ANKRD30BL: variants seen among roughly 807,000 people sequenced by gnomAD.
The protein encoded by ANKRD30BL is putative ankyrin repeat domain-containing protein 30B-like.
ANKRD30BL carries 20 observed loss-of-function variants against 18.4 expected under a neutral mutation model. The observed-to-expected ratio is 1.09, with a 90% confidence interval of 0.77 to 1.58. ANKRD30BL has a LOEUF of 1.58. Ranked by LOEUF, ANKRD30BL falls within the 40% of genes most tolerant of loss-of-function variation. The pLI is 0.00. For missense variants in ANKRD30BL, 224 were observed against 268.6 expected (o/e 0.83, Z 1.16); for synonymous variants, 72 against 100.9 (o/e 0.71, Z 1.72).
intron 1 of ANKRD30BL, among the ~76,000 whole-genome samples, chr2:132,226,753 C>A (rs1164214947): frequency 6.6e-6 from 1 of 151,940 alleles, no homozygotes; most frequent in Non-Finnish European, 1.5e-5. Context: ...GTGCGTTCAT[C>A]TCACAGAGTT....
intron 1 of ANKRD30BL, among the ~76,000 whole-genome samples, chr2:132,249,525 C>G (rs142716638): frequency 1.3e-5 from 2 of 152,036 alleles, no homozygotes. Context: ...TTTGCAGATT[C>G]TACAAGAAGA....
chr2:132,239,963 G>T (rs564912410), intron 1 of ANKRD30BL, among the ~76,000 whole-genome samples: 10 of 151,496 alleles, frequency 6.6e-5, no homozygotes, highest in African/African-American at 1.9e-4. Context: ...TGAGGATTTC[G>T]TTGGAAACGG....
chr2:132,170,336 A>G (rs1422623725), intron 1 of ANKRD30BL, among the ~76,000 whole-genome samples: 1 of 152,194 alleles, frequency 6.6e-6, no homozygotes, highest in Non-Finnish European at 1.5e-5. Flanking sequence ...AAAGGGAAAC[A>G]GAGACTGTCA....
upstream of ANKRD30BL, among the ~76,000 whole-genome samples, chr2:132,163,038 G>C (rs1174706561): frequency 6.6e-6 from 1 of 152,226 alleles, no homozygotes. Flanking sequence ...GTATGGCAGT[G>C]GCGCTGGGTC....
chr2:132,168,062 T>C (rs1184448824), intron 1 of ANKRD30BL, among the ~76,000 whole-genome samples: 1 of 152,214 alleles, frequency 6.6e-6, no homozygotes, highest in East Asian at 1.9e-4. Flanking sequence ...TTCTCTCCAC[T>C]TGAAGAACTT....
chr2:132,221,584 G>A (rs1489976995), intron 1 of ANKRD30BL, among the ~76,000 whole-genome samples: 1 of 135,808 alleles, frequency 7.4e-6, no homozygotes, highest in African/African-American at 3.1e-5. Flanking sequence ...GCCCAGTCTG[G>A]GAGGGAGGTG....
intron 1 of ANKRD30BL, among the ~76,000 whole-genome samples, chr2:132,226,457 C>T (rs201677094): frequency 6.7e-6 from 1 of 149,614 alleles, no homozygotes; most frequent in Non-Finnish European, 1.5e-5. Context: ...TACAGACACT[C>T]TTTTTGTAGA....
intron 1 of ANKRD30BL, among the ~76,000 whole-genome samples, chr2:132,178,230 A>G (rs1211165866): frequency 2.0e-5 from 3 of 152,240 alleles, no homozygotes; most frequent in Non-Finnish European, 4.4e-5. Flanking sequence ...AAAAGAGACA[A>G]GTCATTAACT....
chr2:132,159,726 T>G (rs1172668388), intron 1 of ANKRD30BL, among the ~76,000 whole-genome samples: 1 of 152,174 alleles, frequency 6.6e-6, no homozygotes, highest in Non-Finnish European at 1.5e-5. Flanking sequence ...TGCCTTTTAT[T>G]TTTTCTCATT....
chr2:132,201,743 A>G (rs1381251694), intron 1 of ANKRD30BL, among the ~76,000 whole-genome samples: 3 of 152,228 alleles, frequency 2.0e-5, no homozygotes, highest in Non-Finnish European at 2.9e-5. Flanking sequence ...GTGATTCCTC[A>G]GAGATCTAGA....
intron 1 of ANKRD30BL, among the ~76,000 whole-genome samples, chr2:132,211,870 T>C: frequency 6.6e-6 from 1 of 152,048 alleles, no homozygotes. Flanking sequence ...AGTGGACATT[T>C]AGTGCGCTTT....
upstream of ANKRD30BL, among the ~76,000 whole-genome samples, chr2:132,165,574 T>G (rs1471798820): frequency 3.5e-5 from 4 of 113,926 alleles, no homozygotes; most frequent in Non-Finnish European, 1.9e-5. Flanking sequence ...AAAAAAAAAA[T>G]TAGCCGGACA....
intron 1 of ANKRD30BL, among the ~76,000 whole-genome samples, chr2:132,250,709 C>T (rs372812843): frequency 2.0e-5 from 3 of 152,174 alleles, no homozygotes; most frequent in Non-Finnish European, 2.9e-5. Context: ...TGTTCTTTTG[C>T]TCCTCAGATC....
chr2:132,209,060 C>T (rs1239070668), intron 1 of ANKRD30BL, among the ~76,000 whole-genome samples: 1 of 151,152 alleles, frequency 6.6e-6, no homozygotes, highest in Non-Finnish European at 1.5e-5. Flanking sequence ...GTGATCTGTG[C>T]ATTAATCTCA....
In ANKRD30BL at chr2:132,217,090, T is replaced by C. The variant is rs538119940; in HGVS notation, n.441+40439A>G. Among the ~76,000 whole-genome samples the C allele has an allele frequency of 3.9e-5, 6 of 152,024 alleles. No individual in the cohort carries two copies. The South Asian group carries it at 1.2e-3, about 32-fold the overall frequency. On this transcript the variant is annotated intron_variant and non_coding_transcript_variant, in intron 1 of 4. Coordinates refer to the ANKRD30BL transcript ENST00000470729. ...GAGACCTATGGTGGAAAAGGAAATA[T>C]CTTCACATAAAAACTAGACAGAAGC...
At chr2:132,224,382 C>G (rs927418304) in intron 1 of ANKRD30BL, among the ~76,000 whole-genome samples, 1 of 151,752 alleles carries the variant, frequency 6.6e-6, no homozygotes, top group African/African-American at 2.4e-5. Flanking sequence ...GTTGAACATA[C>G]CATTTCATAG....
At chr2:132,237,991 G>A (rs549488245) in intron 1 of ANKRD30BL, among the ~76,000 whole-genome samples, 13 of 152,048 alleles carry the variant, frequency 8.5e-5, no homozygotes, top group Non-Finnish European at 5.9e-5. Context: ...AGCATTCTCA[G>A]AAACCTCTTT....
intron 1 of ANKRD30BL, among the ~76,000 whole-genome samples, chr2:132,224,944 G>C (rs1679800940): frequency 6.6e-6 from 1 of 152,092 alleles, no homozygotes; most frequent in South Asian, 2.1e-4. Context: ...TGGACATTTG[G>C]AGTGTTTTGA....
intron 1 of ANKRD30BL, among the ~76,000 whole-genome samples, chr2:132,250,026 A>G (rs1680609708): frequency 6.6e-6 from 1 of 152,132 alleles, no homozygotes; most frequent in Non-Finnish European, 1.5e-5. Flanking sequence ...GCTCACAAAT[A>G]TCCCTCTGCA....
Sources: gnomAD v4.1 joint callset for allele counts (sites outside exome capture counted in the v4.1 genomes callset) on GRCh38, gnomAD v4.1.1 for gene constraint, MANE v1.5 for transcripts, NCBI Gene and HGNC (gene_info 2026-07-23, HGNC 2026-07-21) for gene names.